The following ZNF749 variants were observed in gnomAD, a reference collection of about 807,000 sequenced individuals.
ZNF749 encodes zinc finger protein 749.
Under a neutral mutation model 7.3 loss-of-function variants are expected in ZNF749, and 8 were observed. The ratio of observed to expected loss-of-function variants is 1.10; its 90% CI spans 0.64 to 1.98. ZNF749 has a LOEUF of 1.98. Ranked by LOEUF, ZNF749 falls within the 30% of genes most tolerant of loss-of-function variation. The probability of loss-of-function intolerance (pLI) is 0.00; values close to 1 mark genes in which losing one functional copy is unlikely to be tolerated. For missense variants in ZNF749, 898 were observed against 932.4 expected, an observed-to-expected ratio of 0.96 and a Z score of 0.48; for synonymous variants, 310 against 322.4, an observed-to-expected ratio of 0.96 and a Z score of 0.41.
intron 1 of ZNF749, among the ~76,000 whole-genome samples, chr19:57,435,846 G>A (rs2088930447): frequency 6.6e-6 from 1 of 152,258 alleles, no homozygotes; most frequent in Non-Finnish European, 1.5e-5. Flanking sequence ...AGGAGCAGAG[G>A]TTGAGGCGGA....
In ZNF749 at chr19:57,445,019, G is replaced by C; in HGVS notation, c.1871G>C (p.Arg624Pro). The change falls in exon 3 of 3, where the codon CGC becomes CCC. Residue 624 changes from arginine (R) to proline (P), a missense_variant. Coordinates refer to ENST00000334181, the MANE Select transcript of ZNF749 (RefSeq NM_001023561.4). ...AAATGTGGGAAATTCTTTAGATATCGCTGTACACTGAGTAGACATCAGAAA... is the reference window on the plus strand; with the variant it reads ...AAATGTGGGAAATTCTTTAGATATCCCTGTACACTGAGTAGACATCAGAAA... ...CSKCGKFFRY[R>P]CTLSRHQKVH... The C allele has an allele frequency of 6.2e-7, 1 of 1,614,186 alleles. No individual in the cohort carries two copies. The highest frequency in any genetic ancestry group is 8.5e-7 in the Non-Finnish European group (1 of 1,180,032).
In ZNF749 at chr19:57,446,918, T is replaced by G. The variant is rs975679872; in HGVS notation, c.*1433T>G. ...AATGTATGAAAAATGGTAAAAACTT[T>G]ATAGGGCACTAACATGAACGAAGCT... On this transcript the variant is annotated 3_prime_UTR_variant, in exon 3 of 3. Transcript: ENST00000334181. Among the ~76,000 whole-genome samples, 1 of 152,168 alleles carries G rather than the reference T, an allele frequency of 6.6e-6. No homozygotes were observed. The highest frequency in any genetic ancestry group is 1.5e-5 in the Non-Finnish European group (1 of 68,044).
rs2088962184 is a variant in ZNF749 at position 57,439,038 on chromosome 19, C to A, written c.16-2847C>A. Among the ~76,000 whole-genome samples the A allele has an allele frequency of 6.6e-6, 1 of 152,004 alleles. No individual in the cohort carries two copies. Among genetic ancestry groups the A allele is most frequent in the African/African-American group, 2.4e-5 (1 of 41,358 alleles). The stretch of plus-strand genomic sequence containing the variant: ...TGGAATGGCAGTCTAAGGTTCTGGG[C>A]CTTTCATCTGAGGGCGATGGTAACT... On this transcript the variant is annotated intron_variant, in intron 1 of 2. Coordinates refer to ENST00000334181, the MANE Select transcript of ZNF749 (RefSeq NM_001023561.4). The surrounding 1 kb of genome is among the most constrained non-coding windows in gnomAD (Gnocchi z 4.3).
chr19:57,437,741 A>AT (rs2088949337), intron 1 of ZNF749, among the ~76,000 whole-genome samples: 1 of 151,312 alleles, frequency 6.6e-6, no homozygotes, highest in Non-Finnish European at 1.5e-5. Context: ...AAAAAAAAAA[A>AT]GGGAAAAATA....
At position 57,446,570 on chromosome 19, in the gene ZNF749, A is replaced by T. The variant is rs7250136; in HGVS notation, c.*1085A>T. 0.3 allele frequency among the ~76,000 whole-genome samples: 45,167 copies of T among 152,072 alleles called. 6,776 individuals carry two copies. The highest frequency in any genetic ancestry group is 0.34 in the Middle Eastern group (101 of 294). On this transcript the variant is annotated 3_prime_UTR_variant, in exon 3 of 3. Coordinates refer to ENST00000334181, the MANE Select transcript of ZNF749 (RefSeq NM_001023561.4). The stretch of plus-strand genomic sequence containing the variant: ...ATTTCCCTAAATGTCTTCAAGGTTT[A>T]TCCATGTTGTAGCATAGCTTATGAT...
At chr19:57,438,835 C>T (rs768015990) in intron 1 of ZNF749, among the ~76,000 whole-genome samples, 3 of 152,180 alleles carry the variant, frequency 2.0e-5, no homozygotes, top group Non-Finnish European at 4.4e-5. Context: ...CTAGTTCCGA[C>T]AACTGATGGG....
In ZNF749 at chr19:57,443,967, TCA is replaced by T; in HGVS notation, c.822_823del (p.His274GlnfsTer2). The T allele has an allele frequency of 1.2e-6, 2 of 1,613,234 alleles. No individual in the cohort carries two copies. Among genetic ancestry groups the T allele is most frequent in the Non-Finnish European group, 1.7e-6 (2 of 1,179,690 alleles). On this transcript the variant is annotated frameshift_variant, in exon 3 of 3. Coordinates refer to ENST00000334181, the MANE Select transcript of ZNF749 (RefSeq NM_001023561.4). LOFTEE classifies it low-confidence loss of function (END_TRUNC). ...KSNLVQHQKI[H>X]SEGFLSKRSD... ...CCAACCTAGTTCAGCACCAGAAAAT[TCA>T]CAGTGAAGGCTTTCTTTCAAAAAGG...
Position 57,445,635 on chromosome 19 carries a change from A to G in ZNF749, c.*150A>G. On this transcript the variant is annotated 3_prime_UTR_variant, in exon 3 of 3. Transcript: ENST00000334181. ...AGGATTTCCTGCTGGGAACTACATT[A>G]AAAACATTTATGTCCAGGCGTGGTG... is the stretch of plus-strand genomic sequence containing the variant. 3 of 1,348,894 alleles carry G rather than the reference A, an allele frequency of 2.2e-6. No homozygotes were observed. In the South Asian group the frequency reaches 4.8e-5, roughly 21 times the overall value. The allele number at this position is 1,348,894 out of a possible 1,614,324, so 83.6% of individuals were successfully genotyped here. A position where few individuals can be genotyped will look rare whatever the true frequency, so the allele number is the denominator to read the frequency against.
At chr19:57,432,429 G>T (rs2088903323), upstream of ZNF749, among the ~76,000 whole-genome samples, 1 of 151,536 alleles carries the variant, frequency 6.6e-6, no homozygotes, top group African/African-American at 2.4e-5. Flanking sequence ...AGGTGTGGTG[G>T]CACGAGCCTG....
rs907163534 is a variant in ZNF749 at position 57,447,024 on chromosome 19, A to G, written c.*1539A>G. Reference sequence around the variant, plus strand: ...AGGACATTACTGTACCCTATTGTAGATGTTATAAACATTGTACACTTAGGC... The same window carrying G: ...AGGACATTACTGTACCCTATTGTAGGTGTTATAAACATTGTACACTTAGGC... On this transcript the variant is annotated 3_prime_UTR_variant, in exon 3 of 3. Coordinates refer to ENST00000334181, the MANE Select transcript of ZNF749 (RefSeq NM_001023561.4). 1.3e-5 allele frequency among the ~76,000 whole-genome samples: 2 copies of G among 152,168 alleles called. No individual in the cohort carries two copies. The highest frequency in any genetic ancestry group is 2.9e-5 in the Non-Finnish European group (2 of 68,034).
At position 57,435,539 on chromosome 19, in the gene ZNF749, G is replaced by A; in HGVS notation, c.-40G>A. 6.3e-7 allele frequency: 1 copy of A among 1,594,904 alleles called. No homozygotes were observed. Among genetic ancestry groups the A allele is most frequent in the Middle Eastern group, 2.1e-4 (1 of 4,798 alleles). ...CAGCGTCCAGGTGACCGCCGTTCCC[G>A]CCCCGCTCTTCCCTGGGTGGACTGG... On this transcript the variant is annotated 5_prime_UTR_variant, in exon 1 of 3. Transcript: ENST00000334181.
rs1401338088 is a variant in ZNF749 at position 57,443,486 on chromosome 19, C to T, written c.338C>T (p.Thr113Ile). The T allele has an allele frequency of 6.2e-7, 1 of 1,614,058 alleles. No homozygotes were observed. The highest frequency in any genetic ancestry group is 1.3e-5 in the African/African-American group (1 of 74,948). Residue 113 changes from threonine (T) to isoleucine (I), a missense_variant, in exon 3 of 3, where the codon ACA becomes ATA. Thr to Ile is a moderately conservative substitution (Grantham distance 89). Coordinates refer to ENST00000334181, the MANE Select transcript of ZNF749 (RefSeq NM_001023561.4). Reference protein sequence around the residue: ...DGTHPEQGLYTCAAEHDLHQK... With the variant: ...DGTHPEQGLYICAAEHDLHQK... ...ACACACCCTGAGCAAGGGCTGTACACATGTGCAGCAGAGCATGACCTGCAC... is the reference window on the plus strand; with the variant it reads ...ACACACCCTGAGCAAGGGCTGTACATATGTGCAGCAGAGCATGACCTGCAC...
chr19:57,442,966 C>T lies in ZNF749; in HGVS notation c.143-325C>T, dbSNP rs1049114884. Among the ~76,000 whole-genome samples the T allele has an allele frequency of 6.6e-6, 1 of 152,124 alleles. No individual in the cohort carries two copies. The highest frequency in any genetic ancestry group is 1.5e-5 in the Non-Finnish European group (1 of 68,024). Reference sequence around the variant, plus strand: ...TATCCTTCAGTAGTCCATGAATACTCGCTCTCACACAATCAGATCTCTCTG... The same window carrying T: ...TATCCTTCAGTAGTCCATGAATACTTGCTCTCACACAATCAGATCTCTCTG... On this transcript the variant is annotated intron_variant, in intron 2 of 2. Coordinates refer to ENST00000334181, the MANE Select transcript of ZNF749 (RefSeq NM_001023561.4). The surrounding 1 kb of genome is among the most constrained non-coding windows in gnomAD (Gnocchi z 6.6).
chr19:57,435,473 T>C lies in ZNF749; in HGVS notation c.-106T>C. The stretch of plus-strand genomic sequence containing the variant: ...TGTTCCTTCTACACAGAGGCTAGAG[T>C]GCGGATCGGCTGAGTCGGCTGCAGG... On this transcript the variant is annotated 5_prime_UTR_variant, in exon 1 of 3. Transcript: ENST00000334181. 1 of 1,499,654 alleles carries C rather than the reference T, an allele frequency of 6.7e-7. No individual in the cohort carries two copies. The allele number at this position is 1,499,654 out of a possible 1,614,324, so 92.9% of individuals were successfully genotyped here. A position where few individuals can be genotyped will look rare whatever the true frequency, so the allele number is the denominator to read the frequency against.
rs573721219 is a variant in ZNF749, at chr19:57,436,752, T to C, written c.15+1159T>C. On this transcript the variant is annotated intron_variant, in intron 1 of 2. Coordinates refer to ENST00000334181, the MANE Select transcript of ZNF749 (RefSeq NM_001023561.4). This position sits in a 1 kb window ranked among gnomAD's most constrained non-coding sequence, Gnocchi z 4.0. ...GCATTATATGGCAGGCTGACCTGTT[T>C]GCTGAACGGACCAGTAACTGATTGA... 2.0e-5 allele frequency among the ~76,000 whole-genome samples: 3 copies of C among 152,250 alleles called. No homozygotes were observed. Among genetic ancestry groups the C allele is most frequent in the Non-Finnish European group, 4.4e-5 (3 of 68,040 alleles).
At chr19:57,434,872 A>C (rs1356210822), upstream of ZNF749, among the ~76,000 whole-genome samples, 1 of 152,228 alleles carries the variant, frequency 6.6e-6, no homozygotes, top group East Asian at 1.9e-4. Context: ...AGCACAAAAG[A>C]GCTGACCGCT....
intron 1 of ZNF749, among the ~76,000 whole-genome samples, chr19:57,440,310 TGGATTAG>T (rs1413721731): frequency 6.6e-6 from 1 of 151,802 alleles, no homozygotes; most frequent in Non-Finnish European, 1.5e-5. Flanking sequence ...ATCTGGGCTT[TGGATTAG>T]GATTAGGGGG....
At chr19:57,434,977 G>A (rs375605326), upstream of ZNF749, among the ~76,000 whole-genome samples, 2 of 152,328 alleles carry the variant, frequency 1.3e-5, no homozygotes, top group South Asian at 4.1e-4. Context: ...GAAACGACAG[G>A]TCTCTGAAAT....
Position 57,445,550 on chromosome 19 carries a change from A to G in ZNF749, c.*65A>G. 6.5e-7 allele frequency: 1 copy of G among 1,527,820 alleles called. No individual in the cohort carries two copies. Among genetic ancestry groups the G allele is most frequent in the Non-Finnish European group, 8.8e-7 (1 of 1,142,364 alleles). The allele number at this position is 1,527,820 out of a possible 1,614,324, so 94.6% of individuals were successfully genotyped here. A position where few individuals can be genotyped will look rare whatever the true frequency, so the allele number is the denominator to read the frequency against. On this transcript the variant is annotated 3_prime_UTR_variant, in exon 3 of 3. Coordinates refer to ENST00000334181, the MANE Select transcript of ZNF749 (RefSeq NM_001023561.4). ...TTCAGCACCAAAAGGTTCACATCGG[A>G]CCAAGAACCTATTAATATATGTAAA... is the stretch of plus-strand genomic sequence containing the variant.
Sources: allele counts gnomAD v4.1 joint callset (sites outside exome capture counted in the v4.1 genomes callset), GRCh38; gene constraint gnomAD v4.1.1; non-coding constraint Gnocchi (gnomAD v3.1); transcripts MANE v1.5; gene names NCBI Gene and HGNC (gene_info 2026-07-23, HGNC 2026-07-21).